The following VPS13D variants were observed in gnomAD, a reference collection of about 807,000 sequenced individuals.
VPS13D encodes the protein vacuolar protein sorting 13 homolog D.
Under a neutral mutation model 461.9 loss-of-function variants are expected in VPS13D, and 187 were observed. The observed-to-expected ratio is 0.40, with a 90% confidence interval of 0.36 to 0.46. The LOEUF is 0.46. VPS13D is among the 20% of genes least tolerant of loss of function. The probability of loss-of-function intolerance (pLI) is 0.60; values close to 1 mark genes in which losing one functional copy is unlikely to be tolerated. For missense variants in VPS13D, 4,711 were observed against 5,364.9 expected, an observed-to-expected ratio of 0.88 and a Z score of 3.81; for synonymous variants, 1,951 against 1,986.3, an observed-to-expected ratio of 0.98 and a Z score of 0.47.
At chr1:12,311,176 A>G (rs945395829) in intron 27 of VPS13D, among the ~76,000 whole-genome samples, 1 of 152,012 alleles carries the variant, frequency 6.6e-6, no homozygotes, top group Non-Finnish European at 1.5e-5. Context: ...TCAGCCTCCC[A>G]AAGTGCTGGG....
rs758501437 is a variant in VPS13D at position 12,460,346 on chromosome 1, A to C, written c.12612A>C (p.Ala4204=). The C allele has an allele frequency of 1.9e-6, 3 of 1,613,000 alleles. No homozygotes were observed. The highest frequency in any genetic ancestry group is 1.7e-6 in the Non-Finnish European group (2 of 1,179,408). Residue 4204 remains alanine (A), a synonymous_variant, in exon 67 of 70, where the codon GCA becomes GCC. Coordinates refer to ENST00000620676, the MANE Select transcript of VPS13D (RefSeq NM_015378.4). ...CAGTGGCAGGCGCCCTGGATTTTGC[A>C]TCAGAAACAGCCCAGGCGGTGAGAG... ...TKPVAGALDF[A]SETAQAVRDT...
chr1:12,328,231 C>A (rs1328566153), intron 36 of VPS13D, among the ~76,000 whole-genome samples: 1 of 152,018 alleles, frequency 6.6e-6, no homozygotes, highest in Admixed American at 6.5e-5. Flanking sequence ...TCTTGAAAAT[C>A]AAAAACAAGA....
intron 65 of VPS13D, among the ~76,000 whole-genome samples, chr1:12,421,215 C>G (rs1470662023): frequency 6.6e-6 from 1 of 152,160 alleles, no homozygotes; most frequent in Non-Finnish European, 1.5e-5. Flanking sequence ...AGCATCTAAC[C>G]CATGACTCCC....
intron 5 of VPS13D, among the ~76,000 whole-genome samples, chr1:12,248,245 C>G (rs910516790): frequency 6.6e-6 from 1 of 152,002 alleles, no homozygotes; most frequent in African/African-American, 2.4e-5. Flanking sequence ...TATAAGAGCT[C>G]TCTATATATT....
At chr1:12,466,132 T>TA (rs200407006) in intron 67 of VPS13D, among the ~76,000 whole-genome samples, 216 of 138,248 alleles carry the variant, frequency 1.6e-3, no homozygotes, top group Admixed American at 2.5e-3. Context: ...AGACTCCATC[T>TA]AAAAAAAAAA....
intron 42 of VPS13D, among the ~76,000 whole-genome samples, chr1:12,344,099 C>T (rs1426209815): frequency 1.3e-5 from 2 of 152,230 alleles, no homozygotes; most frequent in East Asian, 3.9e-4. Context: ...CATAAAATAT[C>T]CAATAAAGTG....
At chr1:12,349,411 C>T (rs1250755859) in intron 46 of VPS13D, 37 bp downstream of exon 46, 4 of 1,419,790 alleles carry the variant, frequency 2.8e-6, no homozygotes, top group Non-Finnish European at 3.8e-6. Flanking sequence ...TCACTTTTGC[C>T]TTTTTTTTTT....
At chr1:12,368,374 A>C in intron 52 of VPS13D, 94 bp from the exon 53 acceptor site, 1 of 1,454,036 alleles carries the variant, frequency 6.9e-7, no homozygotes, top group East Asian at 2.4e-5. Flanking sequence ...CTGAGGCCCA[A>C]ACAGTGTTGT....
intron 55 of VPS13D, among the ~76,000 whole-genome samples, chr1:12,376,566 G>A (rs1644201855): frequency 6.6e-6 from 1 of 152,162 alleles, no homozygotes; most frequent in Admixed American, 6.5e-5. Context: ...AGGAAACGGA[G>A]GCTCTAAGAG....
intron 24 of VPS13D, among the ~76,000 whole-genome samples, chr1:12,296,066 A>G (rs563098619): frequency 6.6e-6 from 1 of 152,320 alleles, no homozygotes; most frequent in Non-Finnish European, 1.5e-5. Flanking sequence ...CATTCTGTGT[A>G]TAAATGATTT....
intron 65 of VPS13D, among the ~76,000 whole-genome samples, chr1:12,440,737 G>C (rs932914725): frequency 1.3e-5 from 2 of 152,066 alleles, no homozygotes; most frequent in Non-Finnish European, 2.9e-5. Flanking sequence ...TTAGCTGGAC[G>C]TGGTGGTGGA....
chr1:12,468,599 T>C (rs2100442620), intron 67 of VPS13D, among the ~76,000 whole-genome samples: 1 of 152,362 alleles, frequency 6.6e-6, no homozygotes, highest in Admixed American at 6.5e-5. Flanking sequence ...AATTCACCCG[T>C]GGTTTTCTTG....
chr1:12,274,667 GCTGATTGTGGACT>G (rs1641555437), intron 18 of VPS13D, among the ~76,000 whole-genome samples: 1 of 152,200 alleles, frequency 6.6e-6, no homozygotes, highest in South Asian at 2.1e-4. Context: ...AGAAAGAGGA[GCTGATTGTGGACT>G]CTGGGGCCAC....
chr1:12,334,642 G>A (rs1643406374), intron 38 of VPS13D, among the ~76,000 whole-genome samples: 1 of 152,216 alleles, frequency 6.6e-6, no homozygotes, highest in Non-Finnish European at 1.5e-5. Flanking sequence ...GCGTGTGCCT[G>A]TAGTCCCAGC....
chr1:12,403,653 A>G (rs1030874026), intron 62 of VPS13D, among the ~76,000 whole-genome samples, 172 bp from the exon 63 acceptor site: 9 of 152,220 alleles, frequency 5.9e-5, no homozygotes, highest in Admixed American at 3.9e-4. Context: ...TACTCTTACA[A>G]AGAATGGCAT....
At chr1:12,335,948 A>C (rs1643440522) in intron 39 of VPS13D, 121 bp downstream of exon 39, 5 of 1,440,908 alleles carry the variant, frequency 3.5e-6, no homozygotes, top group Non-Finnish European at 3.8e-6. Flanking sequence ...AATTCTGACT[A>C]TCTTCTGTAG....
chr1:12,340,172 TTGA>T (rs1167999829), intron 40 of VPS13D, among the ~76,000 whole-genome samples: 1 of 152,178 alleles, frequency 6.6e-6, no homozygotes, highest in Non-Finnish European at 1.5e-5. Flanking sequence ...AATTTTCTAC[TTGA>T]TGAGCACTAA....
At chr1:12,492,001 T>C (rs1645889229) in intron 67 of VPS13D, among the ~76,000 whole-genome samples, 2 of 152,200 alleles carry the variant, frequency 1.3e-5, no homozygotes, top group African/African-American at 4.8e-5. Context: ...TGAGTGTTGG[T>C]TCATAAGAGA....
intron 2 of VPS13D, among the ~76,000 whole-genome samples, chr1:12,237,423 G>C (rs1640192522): frequency 6.6e-6 from 1 of 151,618 alleles, no homozygotes; most frequent in Non-Finnish European, 1.5e-5. Context: ...AGCTGGAGAG[G>C]TTGAGGTTGC....
Sources: gnomAD v4.1 joint callset for allele counts (sites outside exome capture counted in the v4.1 genomes callset) on GRCh38, gnomAD v4.1.1 for gene constraint, MANE v1.5 for transcripts, NCBI Gene and HGNC (gene_info 2026-07-23, HGNC 2026-07-21) for gene names.